ZNF451: variants seen among roughly 807,000 people sequenced by gnomAD.
ZNF451 encodes the protein E3 SUMO-protein ligase ZNF451.
ZNF451 carries 80 observed loss-of-function variants against 107.1 expected under a neutral mutation model. The ratio of observed to expected loss-of-function variants is 0.75; its 90% CI spans 0.62 to 0.90. The LOEUF is 0.90. Ranked by LOEUF, ZNF451 falls within the 40% of genes least tolerant of loss-of-function variation. ZNF451 has a pLI of 0.00. For synonymous variants in ZNF451, 362 were observed against 406.5 expected, an observed-to-expected ratio of 0.89 and a Z score of 1.32; for missense variants, 1,107 against 1,236.2, an observed-to-expected ratio of 0.90 and a Z score of 1.57.
chr6:57,120,576 T>C (rs1830592545), intron 3 of ZNF451, among the ~76,000 whole-genome samples: 1 of 152,244 alleles, frequency 6.6e-6, no homozygotes, highest in Non-Finnish European at 1.5e-5. Flanking sequence ...TTGTCAGTGT[T>C]TTAGATGTGG....
chr6:57,099,464 C>T (rs1224837345), intron 3 of ZNF451: 1 of 716,852 alleles, frequency 1.4e-6, no homozygotes, highest in African/African-American at 1.7e-5. Context: ...CTTTACTCTC[C>T]TCAGGTGCCC....
Position 57,148,110 on chromosome 6 carries a change from C to T in ZNF451, c.2025C>T (p.Ile675=). 6.2e-7 allele frequency: 1 copy of T among 1,614,020 alleles called. No homozygotes were observed. ...IKYFCGLCDL[I]FNVEEAFLSH... is the part of the protein sequence containing the mutation. ...ACTTCTGTGGGCTTTGTGATCTTAT[C>T]TTTAATGTGGAAGAAGCATTTCTGA... is the stretch of plus-strand genomic sequence containing the variant. The change falls in exon 10 of 15, where the codon ATC becomes ATT. Residue 675 remains isoleucine (I), a synonymous_variant. Coordinates refer to ENST00000370706, the MANE Select transcript of ZNF451 (RefSeq NM_001031623.3).
intron 7 of ZNF451, among the ~76,000 whole-genome samples, chr6:57,135,668 A>T (rs1438068756): frequency 6.6e-6 from 1 of 152,156 alleles, no homozygotes; most frequent in East Asian, 1.9e-4. Flanking sequence ...ACATTTCTAC[A>T]TTTTAAATCA....
At chr6:57,152,468 A>G in intron 12 of ZNF451, 117 bp downstream of exon 12, 1 of 1,195,532 alleles carries the variant, frequency 8.4e-7, no homozygotes. Context: ...GGTTCTACCT[A>G]TGACTATTAT....
chr6:57,152,465 C>G (rs1363896025), intron 12 of ZNF451, 114 bp downstream of exon 12: 23 of 1,245,008 alleles, frequency 1.8e-5, no homozygotes, highest in Non-Finnish European at 2.5e-5. Context: ...TCAGGTTCTA[C>G]CTATGACTAT....
intron 2 of ZNF451, among the ~76,000 whole-genome samples, chr6:57,094,595 T>G (rs2127931515): frequency 6.6e-6 from 1 of 152,324 alleles, no homozygotes; most frequent in African/African-American, 2.4e-5. Context: ...GCAGTTATAG[T>G]TGTTAAAGAT....
chr6:57,151,218 A>G (rs1057373285), intron 11 of ZNF451: 11 of 162,262 alleles, frequency 6.8e-5, no homozygotes, highest in African/African-American at 1.2e-4. Context: ...AAAAAATACA[A>G]AAAATTAGCT....
intron 2 of ZNF451, among the ~76,000 whole-genome samples, chr6:57,098,053 G>A (rs1020754134): frequency 4.0e-5 from 6 of 150,252 alleles, no homozygotes; most frequent in African/African-American, 1.5e-4. Flanking sequence ...CACTGCAACT[G>A]CTGCCTCCCA....
At chr6:57,111,473 C>T (rs1034413308) in intron 3 of ZNF451, among the ~76,000 whole-genome samples, 22 of 151,856 alleles carry the variant, frequency 1.4e-4, no homozygotes, top group African/African-American at 5.1e-4. Context: ...CTCTGCCTCC[C>T]GGGTTCAAGC....
At chr6:57,105,336 C>T in intron 3 of ZNF451, 1 of 983,686 alleles carries the variant, frequency 1.0e-6, no homozygotes, top group Non-Finnish European at 1.2e-6. Flanking sequence ...AATATGGTTT[C>T]TTGTAGTTAC....
chr6:57,159,331 A>G, intron 13 of ZNF451: 10 of 985,376 alleles, frequency 1.0e-5, no homozygotes, highest in Non-Finnish European at 1.2e-5. Context: ...AATTGTTTGG[A>G]TGAGTTATAA....
intron 3 of ZNF451, among the ~76,000 whole-genome samples, chr6:57,100,160 T>G (rs1156296149): frequency 6.6e-6 from 1 of 152,206 alleles, no homozygotes; most frequent in Non-Finnish European, 1.5e-5. Context: ...GGGGGAGTTT[T>G]AGATTTTTTT....
intron 3 of ZNF451, among the ~76,000 whole-genome samples, chr6:57,111,184 G>A (rs1355149019): frequency 2.0e-5 from 3 of 151,814 alleles, no homozygotes; most frequent in Non-Finnish European, 4.4e-5. Flanking sequence ...GCCTCCCGAA[G>A]TGCTGGGATT....
In ZNF451 at chr6:57,163,696, T is replaced by C. The variant is rs138635769; in HGVS notation, c.3139+2544T>C. On this transcript the variant is annotated intron_variant, in intron 14 of 14. Transcript: ENST00000370706. The stretch of plus-strand genomic sequence containing the variant: ...CGATCTCCTGACCTCGTGATCCGCC[T>C]GCCTCGGCCTCCCAAAGTGCTGGGA... Among the ~76,000 whole-genome samples the C allele has an allele frequency of 5.7e-3, 861 of 151,782 alleles. 39 individuals are homozygous for C. In the East Asian group the frequency reaches 0.097, roughly 17 times the overall value.
At chr6:57,116,398 A>T (rs1830372844) in intron 3 of ZNF451, 1 of 152,152 alleles carries the variant, frequency 6.6e-6, no homozygotes, top group South Asian at 2.1e-4. Flanking sequence ...CTAAAAATAC[A>T]AAAATTAGCC....
intron 7 of ZNF451, among the ~76,000 whole-genome samples, chr6:57,139,581 C>T (rs1478790044): frequency 1.3e-5 from 2 of 152,106 alleles, no homozygotes; most frequent in East Asian, 1.9e-4. Flanking sequence ...CTCTAAAGAC[C>T]ATTAACAAGA....
At chr6:57,102,036 C>T in intron 3 of ZNF451, 1 of 1,548,488 alleles carries the variant, frequency 6.5e-7, no homozygotes, top group Non-Finnish European at 8.7e-7. Context: ...AACCTCGAAA[C>T]CACCCCTATA....
chr6:57,151,031 T>G, intron 11 of ZNF451, 169 bp downstream of exon 11: 1 of 771,990 alleles, frequency 1.3e-6, no homozygotes, highest in Non-Finnish European at 2.0e-6. Context: ...TACATGCCTC[T>G]GTGGTAAATG....
chr6:57,101,898 A>G, intron 3 of ZNF451: 2 of 1,550,542 alleles, frequency 1.3e-6, no homozygotes, highest in South Asian at 1.2e-5. Context: ...CTGTTGTTGC[A>G]GAAGACAACA....
Sources: gnomAD v4.1 joint callset for allele counts (sites outside exome capture counted in the v4.1 genomes callset) on GRCh38, gnomAD v4.1.1 for gene constraint, MANE v1.5 for transcripts, NCBI Gene and HGNC (gene_info 2026-07-23, HGNC 2026-07-21) for gene names.